UPF1: variants seen among roughly 807,000 people sequenced by gnomAD.
UPF1 encodes UPF1 RNA helicase and ATPase.
UPF1 carries 9 observed loss-of-function variants against 129.2 expected under a neutral mutation model. The observed-to-expected ratio is 0.07, with a 90% CI of 0.04 to 0.12. The LOEUF (loss-of-function observed/expected upper bound fraction) is 0.12. UPF1 is among the 10% of genes least tolerant of loss of function. The pLI, the probability that UPF1 is intolerant of heterozygous loss-of-function variation, is 1.00. For synonymous variants in UPF1, 649 were observed against 644.9 expected, an observed-to-expected ratio of 1.01 and a Z score of -0.10; for missense variants, 788 against 1,525.3, an observed-to-expected ratio of 0.52 and a Z score of 8.05.
At chr19:18,854,248 G>A (rs906569697) in intron 8 of UPF1, among the ~76,000 whole-genome samples, 3 of 152,224 alleles carry the variant, frequency 2.0e-5, no homozygotes, top group Non-Finnish European at 2.9e-5. Flanking sequence ...CTCCCGGTGA[G>A]GTCCTGGGGC....
At chr19:18,837,407 T>G (rs2055494663) in intron 1 of UPF1, among the ~76,000 whole-genome samples, 1 of 152,182 alleles carries the variant, frequency 6.6e-6, no homozygotes, top group African/African-American at 2.4e-5. Context: ...CCTGGAACTC[T>G]CATGCCATAC....
In UPF1 at chr19:18,832,226, A is replaced by G; in HGVS notation, c.17A>G (p.Tyr6Cys). Residue 6 changes from tyrosine (Y) to cysteine (C), a missense_variant, in exon 1 of 24, where the codon TAC becomes TGC. Physicochemically the swap from Tyr to Cys is radical, Grantham distance 194. This residue lies in a region of UPF1 where 112 missense variants were observed against 128.2 expected (regional missense o/e 0.87). Coordinates refer to ENST00000262803, the MANE Select transcript of UPF1 (RefSeq NM_002911.4). This position sits in a 1 kb window ranked among gnomAD's most constrained non-coding sequence, Gnocchi z 5.6. ...GGAGGCACCATGAGCGTGGAGGCGT[A>G]CGGGCCCAGCTCGCAGACTCTCACT... MSVEAYGPSSQTLTFL... is the reference protein window; with the variant it reads MSVEACGPSSQTLTFL... 6.5e-7 allele frequency: 1 copy of G among 1,544,822 alleles called. No individual in the cohort carries two copies. Among genetic ancestry groups the G allele is most frequent in the Admixed American group, 1.9e-5 (1 of 53,016 alleles).
chr19:18,837,466 G>A lies in UPF1; in HGVS notation c.231+5026G>A, dbSNP rs145526066. Among the ~76,000 whole-genome samples, 73 of 152,316 alleles carry A rather than the reference G, an allele frequency of 4.8e-4. No homozygotes were observed. The East Asian group carries it at 0.013, about 27-fold the overall frequency. On this transcript the variant is annotated intron_variant, in intron 1 of 23. Transcript: ENST00000262803. ...TGAAGGTGTGTGTACGCAGGGCTGCGCCAAATGCTGACAGCATCTCTTCAT... is the reference window on the plus strand; with the variant it reads ...TGAAGGTGTGTGTACGCAGGGCTGCACCAAATGCTGACAGCATCTCTTCAT...
intron 13 of UPF1, among the ~76,000 whole-genome samples, 192 bp from the exon 14 acceptor site, chr19:18,856,685 C>CTAA (rs2055721914): frequency 6.6e-6 from 1 of 152,192 alleles, no homozygotes; most frequent in Admixed American, 6.5e-5. Flanking sequence ...GAAACATGAC[C>CTAA]GTTTAAGGAT....
At position 18,865,522 on chromosome 19, in the gene UPF1, C is replaced by CT. The variant is rs2055833200; in HGVS notation, c.3020-38dup. On this transcript the variant is annotated intron_variant, in intron 21 of 23. Transcript: ENST00000262803. The surrounding 1 kb of genome is among the most constrained non-coding windows in gnomAD (Gnocchi z 6.1). The stretch of plus-strand genomic sequence containing the variant: ...TGAGGGTGTGCTTGTCTGCGAGGCC[C>CT]TGGCCTCCTTCGGATCACCCTGGAC... The CT allele has an allele frequency of 6.2e-7, 1 of 1,613,110 alleles. No homozygotes were observed. Among genetic ancestry groups the CT allele is most frequent in the African/African-American group, 1.3e-5 (1 of 74,928 alleles).
At chr19:18,849,828 G>A in intron 3 of UPF1, 1 of 515,530 alleles carries the variant, frequency 1.9e-6, no homozygotes, top group Non-Finnish European at 3.4e-6. Flanking sequence ...TTTAAAAAAG[G>A]CAGGAACTAT....
At chr19:18,852,025 C>T (rs1431247227) in intron 5 of UPF1, 110 bp from the exon 6 acceptor site, 4 of 1,413,896 alleles carry the variant, frequency 2.8e-6, no homozygotes, top group Middle Eastern at 2.6e-4. Context: ...CACCGTGGCC[C>T]ATTCTGAGAA....
At chr19:18,852,366 A>G in intron 6 of UPF1, 70 bp downstream of exon 6, 2 of 1,578,018 alleles carry the variant, frequency 1.3e-6, no homozygotes, top group East Asian at 2.3e-5. Flanking sequence ...AGGCTTCCAG[A>G]GGGAGGTTTT....
chr19:18,846,249 G>A (rs896365781), intron 2 of UPF1, 130 bp downstream of exon 2: 74 of 1,379,754 alleles, frequency 5.4e-5, no homozygotes, highest in Non-Finnish European at 7.1e-5. Context: ...GGTGTCCTCG[G>A]GAGTAAGGAA....
chr19:18,850,385 T>A lies in UPF1; in HGVS notation c.629+143T>A. 8.0e-7 allele frequency: 1 copy of A among 1,244,832 alleles called. No individual in the cohort carries two copies. Among genetic ancestry groups the A allele is most frequent in the Non-Finnish European group, 1.1e-6 (1 of 919,370 alleles). 77.1% of individuals were successfully genotyped at this position (1,244,832 alleles called of 1,614,324 possible). A position where few individuals can be genotyped will look rare whatever the true frequency, so the allele number is the denominator to read the frequency against. ...ATGGTTTTTGCTGAAGGGTGAGGCATGAGAGCGTTTAGGCGCTGAGGCTTG... is the reference window on the plus strand; with the variant it reads ...ATGGTTTTTGCTGAAGGGTGAGGCAAGAGAGCGTTTAGGCGCTGAGGCTTG... On this transcript the variant is annotated intron_variant, in intron 4 of 23. Coordinates refer to ENST00000262803, the MANE Select transcript of UPF1 (RefSeq NM_002911.4). The surrounding 1 kb of genome is among the most constrained non-coding windows in gnomAD (Gnocchi z 7.1).
chr19:18,857,988 G>C (rs1220944777), intron 15 of UPF1, among the ~76,000 whole-genome samples: 1 of 152,176 alleles, frequency 6.6e-6, no homozygotes, highest in Non-Finnish European at 1.5e-5. Flanking sequence ...CACTGCTGGT[G>C]ACCCCCTGGT....
At chr19:18,852,430 G>A (rs1429115303) in intron 6 of UPF1, 134 bp downstream of exon 6, 8 of 1,329,178 alleles carry the variant, frequency 6.0e-6, no homozygotes, top group Middle Eastern at 2.4e-4. Context: ...CTGAGAGTTG[G>A]AACTTGCGGA....
At chr19:18,848,062 G>T in intron 3 of UPF1, 1 of 462,920 alleles carries the variant, frequency 2.2e-6, no homozygotes, top group Non-Finnish European at 3.9e-6. Flanking sequence ...AGTAGGGTTG[G>T]CTTAATTCTC....
At chr19:18,849,626 C>T (rs765704969) in intron 3 of UPF1, among the ~76,000 whole-genome samples, 1 of 152,146 alleles carries the variant, frequency 6.6e-6, no homozygotes, top group Non-Finnish European at 1.5e-5. Flanking sequence ...GCAGGAGGGA[C>T]TGTTGCTCCT....
chr19:18,860,138 C>CATCATCAAAA, intron 15 of UPF1, 183 bp from the exon 16 acceptor site: 1 of 638,044 alleles, frequency 1.6e-6, no homozygotes, highest in Non-Finnish European at 2.8e-6. Context: ...CTCAGCCTTG[C>CATCATCAAAA]CCAATCCTGG....
At position 18,850,667 on chromosome 19, in the gene UPF1, C is replaced by A; in HGVS notation, c.630-21C>A. ...CTTCAGGGACGGGAGCTGGTCCTCACGGCCCCCTCCCGCTCTGCAGGCAGC... is the reference window on the plus strand; with the variant it reads ...CTTCAGGGACGGGAGCTGGTCCTCAAGGCCCCCTCCCGCTCTGCAGGCAGC... On this transcript the variant is annotated intron_variant, in intron 4 of 23. Transcript: ENST00000262803. This position sits in a 1 kb window ranked among gnomAD's most constrained non-coding sequence, Gnocchi z 7.1. 6.5e-7 allele frequency: 1 copy of A among 1,540,162 alleles called. No individual in the cohort carries two copies. Among genetic ancestry groups the A allele is most frequent in the Non-Finnish European group, 8.8e-7 (1 of 1,141,586 alleles).
In UPF1 at chr19:18,865,660, C is replaced by A; in HGVS notation, c.3119C>A (p.Ala1040Asp). Residue 1040 changes from alanine to aspartate, a missense_variant, in exon 22 of 24, where the codon GCC becomes GAC. Physicochemically the swap from Ala to Asp is moderately radical, Grantham distance 126 (BLOSUM62 -2). Transcript: ENST00000262803. This position sits in a 1 kb window ranked among gnomAD's most constrained non-coding sequence, Gnocchi z 6.1. ...PSQTNLPNSQASQDVASQPFS... is the reference protein window; with the variant it reads ...PSQTNLPNSQDSQDVASQPFS... ...CAGACTAACCTCCCCAACAGCCAAG[C>A]CAGCCAGGATGTGGCGTCACAGCCC... 2 of 1,613,940 alleles carry A rather than the reference C, an allele frequency of 1.2e-6. No individual in the cohort carries two copies. Among genetic ancestry groups the A allele is most frequent in the Non-Finnish European group, 1.7e-6 (2 of 1,180,046 alleles).
At chr19:18,849,549 A>G (rs934560962) in intron 3 of UPF1, 3 of 169,210 alleles carry the variant, frequency 1.8e-5, no homozygotes, top group Non-Finnish European at 2.6e-5. Flanking sequence ...CCTCTGCTCA[A>G]CCTTTTTGCT....
In UPF1 at chr19:18,865,573, C is replaced by T. The variant is rs1475482664; in HGVS notation, c.3032C>T (p.Pro1011Leu). 10 of 1,613,810 alleles carry T rather than the reference C, an allele frequency of 6.2e-6. No individual in the cohort carries two copies. Among genetic ancestry groups the T allele is most frequent in the Admixed American group, 3.3e-5 (2 of 60,008 alleles). ...TGCTGTCTTTCAGGGCGAGGCACCC[C>T]GAAAGGCAAGACTGGTCGTGGGGGA... ...ANGPAAGRGT[P>L]KGKTGRGGRQ... The change falls in exon 22 of 24, where the codon CCG becomes CTG. Residue 1011 changes from proline (P) to leucine (L), a missense_variant. Around this residue, in one of 6 missense-constraint regions of UPF1, gnomAD observed 218 missense variants for 318.1 expected, o/e 0.69. Transcript: ENST00000262803. The surrounding 1 kb of genome is among the most constrained non-coding windows in gnomAD (Gnocchi z 6.1).
Sources: allele counts gnomAD v4.1 joint callset (sites outside exome capture counted in the v4.1 genomes callset), GRCh38; gene constraint gnomAD v4.1.1; regional missense constraint gnomAD v4.1.1; non-coding constraint Gnocchi (gnomAD v3.1); transcripts MANE v1.5; gene names NCBI Gene and HGNC (gene_info 2026-07-23, HGNC 2026-07-21).